The following SOS2 variants were observed in gnomAD, a reference collection of about 807,000 sequenced individuals.
SOS2 encodes the protein SOS Ras/Rho guanine nucleotide exchange factor 2.
A neutral mutation model predicts 148.2 loss-of-function variants in SOS2; 65 were observed. The observed-to-expected ratio is 0.44, with a 90% CI of 0.36 to 0.54. The LOEUF is 0.54. SOS2 is among the 20% of genes least tolerant of loss of function. The pLI is 0.00. For missense variants in SOS2, 1,341 were observed against 1,590.2 expected, an observed-to-expected ratio of 0.84 and a Z score of 2.67; for synonymous variants, 539 against 537.1, an observed-to-expected ratio of 1.00 and a Z score of -0.05.
chr14:50,230,931 C>A, intron 1 of SOS2: 1 of 1,096,446 alleles, frequency 9.1e-7, no homozygotes, highest in Non-Finnish European at 1.1e-6. Context: ...AATTGGTCAA[C>A]GGCGGAAGTT....
rs1383231311 is a variant in SOS2, at chr14:50,159,554, C to G, written c.1729G>C (p.Val577Leu). Residue 577 changes from valine (V) to leucine (L), a missense_variant, in exon 10 of 23, where the codon GTA becomes CTA. This residue lies in a region of SOS2 where 574 missense variants were observed against 711.1 expected (regional missense o/e 0.81). Coordinates refer to ENST00000216373, the MANE Select transcript of SOS2 (RefSeq NM_006939.4). Reference sequence around the variant, plus strand: ...ACAATGTTTTCCTCAGAGTCTTTTACTACAAAACGATATACTTCAGGACTT... The same window carrying G: ...ACAATGTTTTCCTCAGAGTCTTTTAGTACAAAACGATATACTTCAGGACTT... ...LPSPEVYRFV[V>L]KDSEENIVFE... 6.2e-7 allele frequency: 1 copy of G among 1,613,876 alleles called. No homozygotes were observed. The highest frequency in any genetic ancestry group is 8.5e-7 in the Non-Finnish European group (1 of 1,179,864).
chr14:50,156,424 A>G (rs770882605), intron 12 of SOS2: 6 of 152,192 alleles, frequency 3.9e-5, no homozygotes, highest in African/African-American at 2.4e-5. Context: ...TGAGATAAAA[A>G]AGATAAAGCA....
intron 14 of SOS2, among the ~76,000 whole-genome samples, chr14:50,147,746 A>G (rs1297872792): frequency 6.6e-6 from 1 of 152,184 alleles, no homozygotes; most frequent in Non-Finnish European, 1.5e-5. Context: ...TATTTCCTAT[A>G]TTTTTTGAAT....
chr14:50,129,447 T>C lies in SOS2; in HGVS notation c.3379+514A>G, dbSNP rs906721601. Among the ~76,000 whole-genome samples, 4 of 152,214 alleles carry C rather than the reference T, an allele frequency of 2.6e-5. 1 individual carries two copies. The highest frequency in any genetic ancestry group is 5.9e-5 in the Non-Finnish European group (4 of 68,038). ...TTGCCCAGGCTGGAGTGTGGTGGCC[T>C]GATCTCAGCTCACCACAACCTCTGC... On this transcript the variant is annotated intron_variant, in intron 21 of 22. Transcript: ENST00000216373.
intron 8 of SOS2, 90 bp downstream of exon 8, chr14:50,174,364 A>G: frequency 2.0e-6 from 1 of 489,558 alleles, no homozygotes; most frequent in Non-Finnish European, 3.6e-6. Context: ...TAAGAATTAA[A>G]AGACTGGTAC....
rs900986254 is a variant in SOS2 at position 50,118,481 on chromosome 14, G to A, written c.3862C>T (p.Pro1288Ser). The A allele has an allele frequency of 9.3e-6, 15 of 1,614,116 alleles. No individual in the cohort carries two copies. Among genetic ancestry groups the A allele is most frequent in the Non-Finnish European group, 1.3e-5 (15 of 1,180,008 alleles). The change falls in exon 23 of 23, where the codon CCA (proline) becomes TCA (serine). Residue 1288 changes from proline (P) to serine (S), a missense_variant. By Grantham distance (74) the Pro-to-Ser change is moderately conservative. This residue lies in a region of SOS2 where 354 missense variants were observed against 347.7 expected (regional missense o/e 1.02). Coordinates refer to ENST00000216373, the MANE Select transcript of SOS2 (RefSeq NM_006939.4). ...TGCCTTGGTGGAACAGGGGGAGCTG[G>A]AGGATGAGCAAGATTATTCTGACTA... is the stretch of plus-strand genomic sequence containing the variant. ...SSSQNNLAHP[P>S]APPVPPRQNS...
chr14:50,154,177 A>C (rs1015461513), intron 12 of SOS2, among the ~76,000 whole-genome samples: 6 of 152,098 alleles, frequency 3.9e-5, no homozygotes, highest in African/African-American at 1.4e-4. Context: ...ATATTTGCAA[A>C]ATGTTTATCT....
At chr14:50,171,813 G>T (rs1232209648) in intron 8 of SOS2, among the ~76,000 whole-genome samples, 1 of 151,758 alleles carries the variant, frequency 6.6e-6, no homozygotes, top group South Asian at 2.1e-4. Context: ...CATTGATGTT[G>T]TGTATTGTTC....
At chr14:50,219,456 A>T (rs1887137665) in intron 1 of SOS2, among the ~76,000 whole-genome samples, 1 of 152,206 alleles carries the variant, frequency 6.6e-6, no homozygotes, top group Admixed American at 6.5e-5. Context: ...CAGTATTAAT[A>T]TAAAACTCTA....
intron 21 of SOS2, among the ~76,000 whole-genome samples, chr14:50,126,911 G>GAAA (rs5808536): frequency 3.3e-5 from 5 of 150,040 alleles, no homozygotes; most frequent in Non-Finnish European, 7.4e-5. Flanking sequence ...ATGACAAAAT[G>GAAA]AAAAAAAAAA....
chr14:50,138,500 G>T, intron 18 of SOS2, 112 bp downstream of exon 18: 1 of 494,616 alleles, frequency 2.0e-6, no homozygotes, highest in Non-Finnish European at 3.6e-6. Context: ...AATTATTATG[G>T]ACTGTAGTCA....
chr14:50,173,251 C>G (rs1351031449), intron 8 of SOS2, among the ~76,000 whole-genome samples: 4 of 152,070 alleles, frequency 2.6e-5, no homozygotes, highest in Non-Finnish European at 5.9e-5. Flanking sequence ...CTTTTTCCGT[C>G]TAATCCATGG....
intron 1 of SOS2, 113 bp downstream of exon 1, chr14:50,231,084 G>T: frequency 1.6e-6 from 1 of 622,034 alleles, no homozygotes. Context: ...GCCAGCCAAC[G>T]AGAAACGGCT....
chr14:50,163,904 G>C (rs1199213411), intron 8 of SOS2, among the ~76,000 whole-genome samples: 1 of 152,108 alleles, frequency 6.6e-6, no homozygotes, highest in African/African-American at 2.4e-5. Context: ...TCTTCCACGT[G>C]TCATTTTTAA....
intron 8 of SOS2, among the ~76,000 whole-genome samples, chr14:50,173,723 A>T (rs549820461): frequency 6.6e-6 from 1 of 152,248 alleles, no homozygotes; most frequent in African/African-American, 2.4e-5. Flanking sequence ...GCCCGGCAGT[A>T]GTCAGCTTTT....
At chr14:50,140,589 G>T (rs1255246102) in intron 16 of SOS2, among the ~76,000 whole-genome samples, 1 of 152,096 alleles carries the variant, frequency 6.6e-6, no homozygotes, top group Non-Finnish European at 1.5e-5. Flanking sequence ...ACCCCAGAGC[G>T]AACACTATGC....
chr14:50,121,042 C>T (rs1046111060), intron 21 of SOS2, among the ~76,000 whole-genome samples: 7 of 152,082 alleles, frequency 4.6e-5, no homozygotes, highest in Non-Finnish European at 8.8e-5. Context: ...CCTGCGAGAC[C>T]GTATATTTTT....
At chr14:50,213,674 C>A (rs374300048) in intron 1 of SOS2, among the ~76,000 whole-genome samples, 20 of 150,686 alleles carry the variant, frequency 1.3e-4, no homozygotes, top group Admixed American at 2.6e-4. Flanking sequence ...CTGTCCCCCC[C>A]ACCCCAAAAA....
intron 8 of SOS2, among the ~76,000 whole-genome samples, chr14:50,169,154 A>G (rs1258529522): frequency 6.6e-6 from 1 of 151,590 alleles, no homozygotes. Context: ...TCTACTAAAA[A>G]TATTAAAAAA....
Sources: gnomAD v4.1 joint callset for allele counts (sites outside exome capture counted in the v4.1 genomes callset) on GRCh38, gnomAD v4.1.1 for gene constraint, gnomAD v4.1.1 regional missense constraint, MANE v1.5 for transcripts, NCBI Gene and HGNC (gene_info 2026-07-23, HGNC 2026-07-21) for gene names.